NLGN1: variants seen among roughly 807,000 people sequenced by gnomAD.
NLGN1 encodes the protein neuroligin 1.
In NLGN1, 12 loss-of-function variants were observed where a neutral mutation model predicts 65.5. The observed-to-expected ratio is 0.18, with a 90% CI of 0.12 to 0.30. The LOEUF (loss-of-function observed/expected upper bound fraction) is 0.30, where lower values mean the gene tolerates loss of function less well. NLGN1 is among the 10% of genes least tolerant of loss of function. The pLI is 1.00. For missense variants in NLGN1, 750 were observed against 1,007.1 expected, an observed-to-expected ratio of 0.74 and a Z score of 3.46; for synonymous variants, 350 against 359.5, an observed-to-expected ratio of 0.97 and a Z score of 0.30.
intron 3 of NLGN1, among the ~76,000 whole-genome samples, chr3:173,625,612 A>G (rs1226064676): frequency 6.6e-6 from 1 of 152,134 alleles, no homozygotes; most frequent in Admixed American, 6.6e-5. Context: ...TTAACTGTTT[A>G]TTAAATAACT....
intron 4 of NLGN1, chr3:174,202,635 C>G (rs559728172): frequency 1.1e-4 from 16 of 152,242 alleles, no homozygotes; most frequent in African/African-American, 3.6e-4. Flanking sequence ...TTCCTTACTA[C>G]TAGATTTTGC....
chr3:173,517,820 A>C (rs918870853), intron 2 of NLGN1, among the ~76,000 whole-genome samples: 3 of 149,352 alleles, frequency 2.0e-5, no homozygotes, highest in Non-Finnish European at 4.5e-5. Context: ...TCTGTCATCT[A>C]TCTCCATGGT....
intron 4 of NLGN1, among the ~76,000 whole-genome samples, chr3:173,939,113 G>T (rs1438963413): frequency 1.3e-5 from 2 of 152,186 alleles, no homozygotes; most frequent in African/African-American, 2.4e-5. Flanking sequence ...TAGCTAGCCT[G>T]TAACACTTAC....
At chr3:173,672,899 C>G (rs1322449194) in intron 3 of NLGN1, among the ~76,000 whole-genome samples, 1 of 152,088 alleles carries the variant, frequency 6.6e-6, no homozygotes. Flanking sequence ...AATATTTCAG[C>G]AGATAGACCT....
intron 3 of NLGN1, among the ~76,000 whole-genome samples, chr3:173,677,782 C>G (rs907300994): frequency 6.6e-6 from 1 of 152,062 alleles, no homozygotes; most frequent in Non-Finnish European, 1.5e-5. Flanking sequence ...ATTTCCATAA[C>G]AATCCTTCCT....
chr3:173,973,041 A>C (rs1046064406), intron 4 of NLGN1, among the ~76,000 whole-genome samples: 13 of 152,108 alleles, frequency 8.5e-5, no homozygotes, highest in African/African-American at 2.9e-4. Flanking sequence ...GCAAATTACT[A>C]ATATTTAACC....
intron 4 of NLGN1, among the ~76,000 whole-genome samples, chr3:174,265,222 C>T (rs1341160492): frequency 2.6e-5 from 4 of 151,672 alleles, no homozygotes; most frequent in Non-Finnish European, 5.9e-5. Context: ...TTCGAGCTTC[C>T]CAGCTGCTTT....
intron 2 of NLGN1, among the ~76,000 whole-genome samples, chr3:173,547,592 A>G (rs1227505610): frequency 1.3e-5 from 2 of 152,142 alleles, no homozygotes; most frequent in Non-Finnish European, 2.9e-5. Context: ...TTCTTTGTTG[A>G]TCTTATATAC....
At chr3:173,782,625 C>A (rs915827584) in intron 3 of NLGN1, among the ~76,000 whole-genome samples, 1 of 151,670 alleles carries the variant, frequency 6.6e-6, no homozygotes, top group Non-Finnish European at 1.5e-5. Context: ...CCTCGGGCAG[C>A]CCCCAGGAGA....
At chr3:173,563,119 C>A (rs183479773) in intron 2 of NLGN1, among the ~76,000 whole-genome samples, 2 of 152,314 alleles carry the variant, frequency 1.3e-5, no homozygotes, top group East Asian at 3.9e-4. Flanking sequence ...AATAATCATT[C>A]ACTGAATGAA....
rs1257590454 is a variant in NLGN1, at chr3:174,280,950, G to T, written c.2119G>T (p.Asp707Tyr). The change falls in exon 7 of 7, where the codon GAT becomes TAT. Residue 707 changes from aspartate to tyrosine, a missense_variant. Transcript: ENST00000457714. This position sits in a 1 kb window ranked among gnomAD's most constrained non-coding sequence, Gnocchi z 4.9. Reference sequence around the variant, plus strand: ...CTACAAAAAGGATAAGAGGAGACATGATGTTCACAGGAGATGCAGCCCTCA... The same window carrying T: ...CTACAAAAAGGATAAGAGGAGACATTATGTTCACAGGAGATGCAGCCCTCA... The T allele has an allele frequency of 1.6e-5, 26 of 1,613,350 alleles. No individual in the cohort carries two copies. The highest frequency in any genetic ancestry group is 2.2e-5 in the Non-Finnish European group (26 of 1,179,586).
At chr3:174,109,961 G>T (rs1703797120) in intron 4 of NLGN1, among the ~76,000 whole-genome samples, 1 of 151,990 alleles carries the variant, frequency 6.6e-6, no homozygotes, top group African/African-American at 2.4e-5. Context: ...GATAATTAAA[G>T]ACATTTTAAA....
rs1021916035 is a variant in NLGN1 at position 173,485,896 on chromosome 3, A to G, written c.-321+50818A>G. Among the ~76,000 whole-genome samples, 5 of 152,250 alleles carry G rather than the reference A, an allele frequency of 3.3e-5. 1 individual carries two copies. Among genetic ancestry groups the G allele is most frequent in the Admixed American group, 3.3e-4 (5 of 15,290 alleles). On this transcript the variant is annotated intron_variant, in intron 2 of 6. Transcript: ENST00000457714. ...TTTTCTGACATTAATTTGGCTAAAT[A>G]GTCCAGGAAATGTCACATTTCTTTC... is the stretch of plus-strand genomic sequence containing the variant.
intron 4 of NLGN1, among the ~76,000 whole-genome samples, chr3:173,984,377 A>G (rs557968029): frequency 1.7e-4 from 26 of 152,318 alleles, no homozygotes; most frequent in Non-Finnish European, 3.1e-4. Flanking sequence ...AATATTTCCC[A>G]TACTAGGTTC....
chr3:173,815,243 T>C (rs1335398863), intron 4 of NLGN1, among the ~76,000 whole-genome samples: 1 of 151,736 alleles, frequency 6.6e-6, no homozygotes, highest in Non-Finnish European at 1.5e-5. Flanking sequence ...CCCAAGTAGG[T>C]ACTACAGGCG....
At chr3:174,281,653 A>C (rs75247100) in exon 7 of NLGN1, 3 of 193,320 alleles carry the variant, frequency 1.6e-5, no homozygotes, top group Middle Eastern at 2.3e-3. Flanking sequence ...AAAAACAACT[A>C]TGAATATGCA....
chr3:174,131,140 C>G (rs1371835342), intron 4 of NLGN1, among the ~76,000 whole-genome samples: 1 of 152,146 alleles, frequency 6.6e-6, no homozygotes, highest in Non-Finnish European at 1.5e-5. Flanking sequence ...ATTCCTCATG[C>G]AGATACTATG....
chr3:174,048,012 C>A (rs1733997359), intron 4 of NLGN1, among the ~76,000 whole-genome samples: 1 of 151,962 alleles, frequency 6.6e-6, no homozygotes, highest in Non-Finnish European at 1.5e-5. Flanking sequence ...AAAGGGAGAT[C>A]TGATTAGGTT....
At chr3:173,734,379 C>CAATTTTTTTTTTTT (rs1560261820) in intron 3 of NLGN1, among the ~76,000 whole-genome samples, 2 of 59,048 alleles carry the variant, frequency 3.4e-5, no homozygotes, top group African/African-American at 1.3e-4. Context: ...GTGGATAATT[C>CAATTTTTTTTTTTT]TATTTTTTTT....
Sources: allele counts gnomAD v4.1 joint callset (sites outside exome capture counted in the v4.1 genomes callset), GRCh38; gene constraint gnomAD v4.1.1; non-coding constraint Gnocchi (gnomAD v3.1); transcripts MANE v1.5; gene names NCBI Gene and HGNC (gene_info 2026-07-23, HGNC 2026-07-21).